Variants in DGKE observed in about 807,000 individuals in gnomAD.
DGKE encodes diacylglycerol kinase epsilon, also known as DAG kinase epsilon.
In DGKE, 53 loss-of-function variants were observed where a neutral mutation model predicts 70.0. The ratio of observed to expected loss-of-function variants is 0.76; its 90% confidence interval spans 0.61 to 0.95. The LOEUF (loss-of-function observed/expected upper bound fraction) is 0.95, where lower values mean the gene tolerates loss of function less well. Among genes scored for constraint, DGKE ranks in the 40% least tolerant of loss-of-function variants. The pLI is 0.00. For missense variants in DGKE, 655 were observed against 706.9 expected, an observed-to-expected ratio of 0.93 and a Z score of 0.83; for synonymous variants, 291 against 257.0, an observed-to-expected ratio of 1.13 and a Z score of -1.27.
chr17:56,859,339 A>C (rs1207480774), intron 9 of DGKE, among the ~76,000 whole-genome samples: 1 of 151,952 alleles, frequency 6.6e-6, no homozygotes, highest in Non-Finnish European at 1.5e-5. Flanking sequence ...AAAACTAATA[A>C]AAAATAATAA....
In DGKE at chr17:56,864,250, G is replaced by C. The variant is rs1908439691; in HGVS notation, c.*1459G>C. ...TTTTCTGACACATGGCCCAGGCTTT[G>C]TGGTCTTTCATGACATTAATCTCTG... On this transcript the variant is annotated 3_prime_UTR_variant, in exon 12 of 12. Transcript: ENST00000284061. 1 of 152,194 alleles carries C rather than the reference G, an allele frequency of 6.6e-6. No individual in the cohort carries two copies. The highest frequency in any genetic ancestry group is 2.4e-5 in the African/African-American group (1 of 41,460). The allele number at this position is 152,194 out of a possible 1,614,324, so 9.4% of individuals were successfully genotyped here. A position where few individuals can be genotyped will look rare whatever the true frequency, so the allele number is the denominator to read the frequency against.
intron 7 of DGKE, among the ~76,000 whole-genome samples, chr17:56,852,899 T>C (rs1238390454): frequency 2.0e-5 from 3 of 152,224 alleles, no homozygotes; most frequent in East Asian, 3.8e-4. Context: ...TCTGATTTTT[T>C]TGGATTTTGG....
rs769109284 is a variant in DGKE at position 56,835,244 on chromosome 17, A to T, written c.449A>T (p.Lys150Met). The stretch of plus-strand genomic sequence containing the variant: ...AAGCAGCAGTGTGGCTGTCAACCCA[A>T]GCTTTGCGATTACAGGTATGGTCTT... ...VCKQQCGCQP[K>M]LCDYRCIWCQ... Residue 150 changes from lysine (K) to methionine (M), a missense_variant, in exon 2 of 12, where the codon AAG (lysine) becomes ATG (methionine). By Grantham distance (95) the Lys-to-Met change is moderately conservative. Transcript: ENST00000284061. 2 of 1,611,010 alleles carry T rather than the reference A, an allele frequency of 1.2e-6. No individual in the cohort carries two copies. The highest frequency in any genetic ancestry group is 4.5e-5 in the East Asian group (2 of 44,878).
chr17:56,849,391 G>A (rs549322073), intron 7 of DGKE, among the ~76,000 whole-genome samples, 159 bp downstream of exon 7: 1 of 152,326 alleles, frequency 6.6e-6, no homozygotes, highest in African/African-American at 2.4e-5. Context: ...GACTGTAAAT[G>A]TGTTATGGGA....
At chr17:56,851,278 T>C (rs1467458134) in intron 7 of DGKE, among the ~76,000 whole-genome samples, 3 of 152,172 alleles carry the variant, frequency 2.0e-5, no homozygotes, top group African/African-American at 7.2e-5. Context: ...CTTCACATGG[T>C]CATTTACTAC....
intron 3 of DGKE, 51 bp from the exon 4 acceptor site, chr17:56,845,639 C>A: frequency 1.3e-6 from 2 of 1,545,882 alleles, no homozygotes; most frequent in Non-Finnish European, 1.7e-6. Flanking sequence ...GGAAAATGTG[C>A]TTTTCATCTT....
At chr17:56,837,617 T>C (rs925466688) in intron 2 of DGKE, among the ~76,000 whole-genome samples, 2 of 152,232 alleles carry the variant, frequency 1.3e-5, no homozygotes, top group African/African-American at 4.8e-5. Flanking sequence ...CAGTCTCCTG[T>C]GACCTTCTGT....
At chr17:56,842,032 T>C (rs907055552) in intron 2 of DGKE, among the ~76,000 whole-genome samples, 1 of 152,164 alleles carries the variant, frequency 6.6e-6, no homozygotes, top group African/African-American at 2.4e-5. Context: ...GATGTAATAA[T>C]ATACATTCTT....
rs748533908 is a variant in DGKE at position 56,868,574 on chromosome 17, C to T, written c.*5783C>T. On this transcript the variant is annotated 3_prime_UTR_variant, in exon 12 of 12. Coordinates refer to ENST00000284061, the MANE Select transcript of DGKE (RefSeq NM_003647.3). ...GTTAATTGCTTTTGTTGTGTTGGGT[C>T]TGTATTTTTGTGGTCAGTGCCTGCA... 3 of 152,176 alleles carry T rather than the reference C, an allele frequency of 2.0e-5. No individual in the cohort carries two copies. Among genetic ancestry groups the T allele is most frequent in the Non-Finnish European group, 4.4e-5 (3 of 68,044 alleles). 9.4% of individuals were successfully genotyped at this position (152,176 alleles called of 1,614,324 possible). A position where few individuals can be genotyped will look rare whatever the true frequency, so the allele number is the denominator to read the frequency against.
intron 9 of DGKE, among the ~76,000 whole-genome samples, chr17:56,858,990 G>GT (rs1908118126): frequency 6.6e-6 from 1 of 152,146 alleles, no homozygotes; most frequent in African/African-American, 2.4e-5. Context: ...AATCCAGTCT[G>GT]TTTAACTATT....
Position 56,840,326 on chromosome 17 carries a change from C to T in DGKE, c.465-3693C>T, listed in dbSNP as rs187070371. On this transcript the variant is annotated intron_variant, in intron 2 of 11. Transcript: ENST00000284061. ...GGGAGAAGGTTAACTCTTCATAATA[C>T]GCCAGATTTATTATGGGTAGATTAA... Among the ~76,000 whole-genome samples the T allele has an allele frequency of 1.6e-4, 24 of 152,116 alleles. No homozygotes were observed. The East Asian group carries it at 2.1e-3, about 13-fold the overall frequency.
chr17:56,844,113 A>G lies in DGKE; in HGVS notation c.559A>G (p.Ile187Val), dbSNP rs750278156. Residue 187 changes from isoleucine to valine, a missense_variant, in exon 3 of 12, where the codon ATT becomes GTT. Ile to Val is a conservative substitution (Grantham distance 29). Transcript: ENST00000284061. ...TTTTGGAGAATTCAAAAACCTAATC[A>G]TTCCACCAAGTTATTTAACATCCAT... Reference protein sequence around the residue: ...CDFGEFKNLIIPPSYLTSINQ... With the variant: ...CDFGEFKNLIVPPSYLTSINQ... 6 of 1,588,230 alleles carry G rather than the reference A, an allele frequency of 3.8e-6. No individual in the cohort carries two copies. In the South Asian group the frequency reaches 5.8e-5, roughly 15 times the overall value.
intron 2 of DGKE, among the ~76,000 whole-genome samples, chr17:56,840,999 A>G (rs1346941713): frequency 2.0e-5 from 3 of 152,052 alleles, no homozygotes. Context: ...CACACCTGTA[A>G]TCCCAGCACT....
At chr17:56,849,069 G>A (rs988088323) in intron 6 of DGKE, 112 bp from the exon 7 acceptor site, 88 of 1,223,052 alleles carry the variant, frequency 7.2e-5, no homozygotes, top group Non-Finnish European at 8.6e-5. Context: ...GCTCATATAC[G>A]TGTGGTTACT....
At chr17:56,862,573 G>A (rs1034148344) in intron 11 of DGKE, 39 bp from the exon 12 acceptor site, 2 of 1,453,556 alleles carry the variant, frequency 1.4e-6, no homozygotes, top group East Asian at 5.0e-5. Context: ...TAAATTTGGG[G>A]GGACTGACTT....
chr17:56,834,741 G>A lies in DGKE; in HGVS notation c.-18-37G>A, dbSNP rs1329964065. The A allele has an allele frequency of 2.6e-6, 4 of 1,518,624 alleles. No homozygotes were observed. The African/African-American group carries it at 4.1e-5, about 16-fold the overall frequency. The allele number at this position is 1,518,624 out of a possible 1,614,324, so 94.1% of individuals were successfully genotyped here. On this transcript the variant is annotated intron_variant, in intron 1 of 11. Transcript: ENST00000284061. ...AGGAAGGGGGCGGGGAAGGGATGGCGAGCTCGGGGTGCACCGCCTGTTTCT... is the reference window on the plus strand; with the variant it reads ...AGGAAGGGGGCGGGGAAGGGATGGCAAGCTCGGGGTGCACCGCCTGTTTCT...
At chr17:56,855,425 A>T (rs1907886020) in intron 7 of DGKE, among the ~76,000 whole-genome samples, 1 of 152,186 alleles carries the variant, frequency 6.6e-6, no homozygotes, top group Non-Finnish European at 1.5e-5. Context: ...TACCTTTCAT[A>T]CCTGAGGATC....
At chr17:56,835,810 G>T (rs1906578986) in intron 2 of DGKE, 2 of 154,156 alleles carry the variant, frequency 1.3e-5, no homozygotes, top group Non-Finnish European at 2.9e-5. Context: ...GGTCTTTCAG[G>T]ACATGTAGAA....
chr17:56,851,606 T>TA (rs1907656058), intron 7 of DGKE, among the ~76,000 whole-genome samples: 1 of 152,178 alleles, frequency 6.6e-6, no homozygotes, highest in Non-Finnish European at 1.5e-5. Flanking sequence ...TTTTATGCCT[T>TA]ACTCTTAAAA....
Sources: gnomAD v4.1 joint callset for allele counts (sites outside exome capture counted in the v4.1 genomes callset) on GRCh38, gnomAD v4.1.1 for gene constraint, MANE v1.5 for transcripts, NCBI Gene and HGNC (gene_info 2026-07-23, HGNC 2026-07-21) for gene names.